RHOH: variants seen among roughly 807,000 people sequenced by gnomAD.
RHOH encodes the protein ras homolog family member H, also known as rho-related GTP-binding protein RhoH.
A neutral mutation model predicts 13.8 loss-of-function variants in RHOH; 6 were observed. The ratio of observed to expected loss-of-function variants is 0.44; its 90% CI spans 0.24 to 0.86. The LOEUF (loss-of-function observed/expected upper bound fraction) is 0.86, where lower values mean the gene tolerates loss of function less well. Ranked by LOEUF, RHOH falls within the 40% of genes least tolerant of loss-of-function variation. The pLI, the probability that RHOH is intolerant of heterozygous loss-of-function variation, is 0.24. For missense variants in RHOH, 147 were observed against 244.5 expected, an observed-to-expected ratio of 0.60 and a Z score of 2.66; for synonymous variants, 117 against 103.0, an observed-to-expected ratio of 1.14 and a Z score of -0.82.
chr4:40,196,084 T>C (rs1392626585), upstream of RHOH, among the ~76,000 whole-genome samples: 1 of 152,218 alleles, frequency 6.6e-6, no homozygotes, highest in African/African-American at 2.4e-5. Flanking sequence ...TACTTTAGAA[T>C]AATCAGAGGG....
chr4:40,224,002 C>A (rs1726928804), intron 1 of RHOH, among the ~76,000 whole-genome samples: 1 of 152,156 alleles, frequency 6.6e-6, no homozygotes, highest in African/African-American at 2.4e-5. Context: ...GAACTCTCGA[C>A]CTCAGGTGAT....
upstream of RHOH, among the ~76,000 whole-genome samples, chr4:40,195,394 C>CTTCA (rs1723029068): frequency 7.3e-6 from 1 of 137,262 alleles, no homozygotes; most frequent in Admixed American, 7.4e-5. Context: ...TCCTTCCTTC[C>CTTCA]TTCCTTCCTT....
At chr4:40,215,133 C>T (rs1401307354) in intron 1 of RHOH, among the ~76,000 whole-genome samples, 2 of 152,174 alleles carry the variant, frequency 1.3e-5, no homozygotes, top group Non-Finnish European at 2.9e-5. Context: ...TGCCCATTTT[C>T]TTTCAAACTG....
chr4:40,231,340 C>G (rs1727916802), intron 1 of RHOH, among the ~76,000 whole-genome samples: 1 of 66,058 alleles, frequency 1.5e-5, no homozygotes, highest in African/African-American at 6.0e-5. Flanking sequence ...TTTTTTTTTG[C>G]TATACATAAC....
rs569213954 is a variant in RHOH at position 40,205,917 on chromosome 4, T to C, written c.-331+8617T>C. 5.9e-5 allele frequency: 9 copies of C among 152,286 alleles called. No individual in the cohort carries two copies. In the South Asian group the frequency reaches 1.9e-3, roughly 32 times the overall value. The allele number at this position is 152,286 out of a possible 1,614,324, so 9.4% of individuals were successfully genotyped here. A position where few individuals can be genotyped will look rare whatever the true frequency, so the allele number is the denominator to read the frequency against. ...AGAAAGGGAAAATCTATAACAAATA[T>C]GTTCCAGTAATCAGTGTGCCTTCAT... On this transcript the variant is annotated intron_variant, in intron 1 of 2. Transcript: ENST00000381799.
chr4:40,220,988 A>G (rs955156291), intron 1 of RHOH, among the ~76,000 whole-genome samples: 3 of 152,250 alleles, frequency 2.0e-5, no homozygotes, highest in South Asian at 4.1e-4. Context: ...ACATATGTCT[A>G]TATTTCAAAA....
intron 1 of RHOH, chr4:40,235,126 T>C (rs1237669471): frequency 6.6e-6 from 1 of 152,256 alleles, no homozygotes; most frequent in African/African-American, 2.4e-5. Flanking sequence ...CTTGAGAAGA[T>C]GTTCACCACA....
intron 1 of RHOH, among the ~76,000 whole-genome samples, chr4:40,226,214 C>T (rs1189271351): frequency 6.6e-6 from 1 of 152,144 alleles, no homozygotes; most frequent in Non-Finnish European, 1.5e-5. Flanking sequence ...TACTGCTGCT[C>T]AGCAAGGGAG....
intron 1 of RHOH, among the ~76,000 whole-genome samples, chr4:40,233,388 T>C (rs4568249): frequency 0.62 from 90,430 of 145,636 alleles, 29,306 homozygotes; most frequent in Non-Finnish European, 0.7. Context: ...TTCCAGAGTC[T>C]GTGCTGTAGA....
chr4:40,237,348 A>T (rs1305777362), intron 1 of RHOH, among the ~76,000 whole-genome samples: 2 of 152,074 alleles, frequency 1.3e-5, no homozygotes, highest in African/African-American at 4.8e-5. Context: ...CCAGCTACTC[A>T]GGAGACTGAG....
At chr4:40,221,719 T>C (rs995346344) in intron 1 of RHOH, among the ~76,000 whole-genome samples, 4 of 152,206 alleles carry the variant, frequency 2.6e-5, no homozygotes, top group Admixed American at 2.6e-4. Context: ...GGCCAGTTAA[T>C]AAACCTATAA....
chr4:40,227,158 GCAAACAAAAAACAAAAACAAAAA>G (rs1727344251), intron 1 of RHOH, among the ~76,000 whole-genome samples: 1 of 131,750 alleles, frequency 7.6e-6, no homozygotes, highest in Non-Finnish European at 1.7e-5. Flanking sequence ...CTGAAAACAA[GCAAACAAAAAACAAAAACAAAAA>G]CAAACAAAAA....
chr4:40,244,098 T>C lies in RHOH; in HGVS notation c.*136T>C. The stretch of plus-strand genomic sequence containing the variant: ...AGCGTCTCCTTTTGGATACAGTTAT[T>C]GATGAGGCTTGGCCACTGGATGTTT... On this transcript the variant is annotated 3_prime_UTR_variant, in exon 3 of 3. Transcript: ENST00000381799. The C allele has an allele frequency of 1.4e-6, 1 of 693,542 alleles. No homozygotes were observed. The allele number at this position is 693,542 out of a possible 1,614,324, so 43.0% of individuals were successfully genotyped here.
upstream of RHOH, among the ~76,000 whole-genome samples, chr4:40,192,092 A>G (rs1251094480): frequency 1.3e-5 from 2 of 152,232 alleles, no homozygotes; most frequent in Non-Finnish European, 2.9e-5. Context: ...AATTAAGATC[A>G]TTCTCTTAAC....
At position 40,245,117 on chromosome 4, in the gene RHOH, A is replaced by C. The variant is rs1319232373; in HGVS notation, c.*1155A>C. 6.6e-6 allele frequency: 1 copy of C among 152,206 alleles called. No homozygotes were observed. Among genetic ancestry groups the C allele is most frequent in the Non-Finnish European group, 1.5e-5 (1 of 68,048 alleles). 9.4% of individuals were successfully genotyped at this position (152,206 alleles called of 1,614,324 possible). On this transcript the variant is annotated 3_prime_UTR_variant, in exon 3 of 3. Transcript: ENST00000381799. Reference sequence around the variant, plus strand: ...AAAGTTATCAGGGGAAATACTGAATAAATAGACACACACATACTCGCACAC... The same window carrying C: ...AAAGTTATCAGGGGAAATACTGAATCAATAGACACACACATACTCGCACAC...
At chr4:40,209,788 C>G (rs1247003363) in intron 1 of RHOH, 1 of 152,066 alleles carries the variant, frequency 6.6e-6, no homozygotes, top group Non-Finnish European at 1.5e-5. Flanking sequence ...CTTAAATATT[C>G]AATTAGAAAA....
intron 1 of RHOH, among the ~76,000 whole-genome samples, chr4:40,215,162 G>A (rs188495780): frequency 6.6e-6 from 1 of 152,260 alleles, no homozygotes; most frequent in East Asian, 1.9e-4. Flanking sequence ...TATGTCCAGC[G>A]AGGTTCCTCT....
chr4:40,202,733 G>A (rs1292949941), intron 1 of RHOH, among the ~76,000 whole-genome samples: 1 of 152,178 alleles, frequency 6.6e-6, no homozygotes, highest in East Asian at 1.9e-4. Flanking sequence ...CTTGCTAAAA[G>A]TAGACTGCAA....
chr4:40,224,465 G>T (rs1333413226), intron 1 of RHOH, among the ~76,000 whole-genome samples: 3 of 152,270 alleles, frequency 2.0e-5, no homozygotes, highest in Non-Finnish European at 4.4e-5. Flanking sequence ...AATAGATACT[G>T]GCAAGGACTT....
Sources: allele counts gnomAD v4.1 joint callset (sites outside exome capture counted in the v4.1 genomes callset), GRCh38; gene constraint gnomAD v4.1.1; transcripts MANE v1.5; gene names NCBI Gene and HGNC (gene_info 2026-07-23, HGNC 2026-07-21).